MYT1: variants seen among roughly 807,000 people sequenced by gnomAD.
MYT1 encodes the protein myelin transcription factor I.
A neutral mutation model predicts 123.0 loss-of-function variants in MYT1; 23 were observed. The observed-to-expected ratio is 0.19, with a 90% CI of 0.13 to 0.26. The LOEUF (loss-of-function observed/expected upper bound fraction) is 0.26, where lower values mean the gene tolerates loss of function less well. Among genes scored for constraint, MYT1 ranks in the 10% least tolerant of loss-of-function variants. The pLI is 1.00. For missense variants in MYT1, 1,125 were observed against 1,472.5 expected, an observed-to-expected ratio of 0.76 and a Z score of 3.86; for synonymous variants, 518 against 575.3, an observed-to-expected ratio of 0.90 and a Z score of 1.43.
chr20:64,209,639 G>A (rs1003175803), intron 7 of MYT1, among the ~76,000 whole-genome samples: 4 of 152,148 alleles, frequency 2.6e-5, no homozygotes, highest in Non-Finnish European at 5.9e-5. Context: ...CTGGAGCCAC[G>A]AACCAAAAAT....
intron 16 of MYT1, among the ~76,000 whole-genome samples, chr20:64,224,432 G>A (rs528591177): frequency 2.6e-5 from 4 of 152,314 alleles, no homozygotes; most frequent in Non-Finnish European, 4.4e-5. Context: ...CCCACCAGCA[G>A]CCTTGTCTCT....
In MYT1 at chr20:64,199,907, C is replaced by G. The variant is rs758902158; in HGVS notation, c.71C>G (p.Thr24Arg). 6.2e-7 allele frequency: 1 copy of G among 1,614,202 alleles called. No individual in the cohort carries two copies. The highest frequency in any genetic ancestry group is 1.7e-5 in the Admixed American group (1 of 60,034). The change falls in exon 4 of 23, where the codon ACA becomes AGA. Residue 24 changes from threonine (T) to arginine (R), a missense_variant. Physicochemically the swap from Thr to Arg is moderately conservative, Grantham distance 71 (BLOSUM62 -1). Around this residue, in one of 4 missense-constraint regions of MYT1, gnomAD observed 406 missense variants for 432.2 expected, o/e 0.94. Transcript: ENST00000328439. Reference sequence around the variant, plus strand: ...TTTTTCCCAGGACCCCCAGAGACCACAGCTGCAGACCTCAGGTAAGGAAGT... The same window carrying G: ...TTTTTCCCAGGACCCCCAGAGACCAGAGCTGCAGACCTCAGGTAAGGAAGT... ...SKALRGPPET[T>R]AADLSCPTPG...
intron 7 of MYT1, among the ~76,000 whole-genome samples, chr20:64,209,424 T>C (rs1196513479): frequency 2.0e-5 from 3 of 152,194 alleles, no homozygotes; most frequent in Non-Finnish European, 2.9e-5. Context: ...ACCTGGGCAC[T>C]TGGCCTCTAT....
chr20:64,227,526 G>C, intron 17 of MYT1, 49 bp downstream of exon 17: 1 of 1,537,154 alleles, frequency 6.5e-7, no homozygotes, highest in Non-Finnish European at 9.0e-7. Context: ...TGGGCAGGGA[G>C]TCTCTTCCTT....
intron 1 of MYT1, among the ~76,000 whole-genome samples, chr20:64,183,035 C>T (rs539758734): frequency 5.3e-5 from 8 of 152,330 alleles, no homozygotes; most frequent in East Asian, 1.9e-4. Flanking sequence ...CGTTCACAGT[C>T]GTTCTCCATT....
intron 8 of MYT1, 97 bp from the exon 9 acceptor site, chr20:64,211,951 G>T (rs76419146): frequency 4.0e-6 from 4 of 1,004,332 alleles, no homozygotes; most frequent in Non-Finnish European, 6.2e-6. Flanking sequence ...CTTTGGACAA[G>T]GCTCCTGCAC....
At chr20:64,222,108 G>A in intron 14 of MYT1, 61 bp downstream of exon 14, 2 of 1,590,010 alleles carry the variant, frequency 1.3e-6, no homozygotes, top group East Asian at 2.2e-5. Flanking sequence ...GGGAGGAACA[G>A]GCCCTGGTCC....
At chr20:64,215,510 A>T (rs1373985042) in intron 10 of MYT1, among the ~76,000 whole-genome samples, 1 of 152,196 alleles carries the variant, frequency 6.6e-6, no homozygotes, top group Non-Finnish European at 1.5e-5. Flanking sequence ...CATTGTGGAC[A>T]ATAAGTGTAC....
At chr20:64,198,808 C>A in intron 2 of MYT1, 54 bp from the exon 3 acceptor site, 1 of 1,594,368 alleles carries the variant, frequency 6.3e-7, no homozygotes, top group Middle Eastern at 1.7e-4. Flanking sequence ...TGGCTCTGTA[C>A]TCCAGAGGCA....
At chr20:64,197,432 C>T (rs1601708690) in intron 2 of MYT1, among the ~76,000 whole-genome samples, 1 of 152,246 alleles carries the variant, frequency 6.6e-6, no homozygotes, top group Admixed American at 6.5e-5. Flanking sequence ...TGCCTCTCTT[C>T]CTTTCTTCTG....
In MYT1 at chr20:64,196,679, A is replaced by G. The variant is rs1465929871; in HGVS notation, c.1-2183A>G. On this transcript the variant is annotated intron_variant, in intron 2 of 22. Coordinates refer to ENST00000328439, the MANE Select transcript of MYT1 (RefSeq NM_004535.3). The surrounding 1 kb of genome is among the most constrained non-coding windows in gnomAD (Gnocchi z 4.3). ...ACCAGTCAATGCAGATAAATTGCAA[A>G]TGGTAAAAAGGTGCTCAGCAGAAGG... Among the ~76,000 whole-genome samples the G allele has an allele frequency of 1.3e-5, 2 of 152,176 alleles. No homozygotes were observed. The highest frequency in any genetic ancestry group is 3.8e-4 in the East Asian group (2 of 5,196).
At position 64,202,420 on chromosome 20, in the gene MYT1, C is replaced by G. The variant is rs538535476; in HGVS notation, c.86+2498C>G. On this transcript the variant is annotated intron_variant, in intron 4 of 22. Transcript: ENST00000328439. The surrounding 1 kb of genome is among the most constrained non-coding windows in gnomAD (Gnocchi z 5.0). Reference sequence around the variant, plus strand: ...AGACTGGCTCTGCCAGAGGCGAAGACTAGGGAAGGTTAGGGTTGGGGTTAG... The same window carrying G: ...AGACTGGCTCTGCCAGAGGCGAAGAGTAGGGAAGGTTAGGGTTGGGGTTAG... 2.6e-5 allele frequency among the ~76,000 whole-genome samples: 4 copies of G among 152,258 alleles called. No homozygotes were observed. The South Asian group carries it at 8.3e-4, about 32-fold the overall frequency.
At position 64,212,327 on chromosome 20, in the gene MYT1, G is replaced by A. The variant is rs1040204934; in HGVS notation, c.1517+189G>A. Among the ~76,000 whole-genome samples, 1 of 152,126 alleles carries A rather than the reference G, an allele frequency of 6.6e-6. No individual in the cohort carries two copies. The highest frequency in any genetic ancestry group is 1.5e-5 in the Non-Finnish European group (1 of 68,006). On this transcript the variant is annotated intron_variant, in intron 9 of 22. Transcript: ENST00000328439. The surrounding 1 kb of genome is among the most constrained non-coding windows in gnomAD (Gnocchi z 6.8). ...GTGTCCCTGCCTGGGCCGTGAGCCC[G>A]TGACCTGGGACGGGGCTCTGGCCTG...
intron 13 of MYT1, among the ~76,000 whole-genome samples, chr20:64,221,395 G>T (rs994300789): frequency 6.6e-6 from 1 of 152,222 alleles, no homozygotes; most frequent in South Asian, 2.1e-4. Flanking sequence ...TGTGGTCAAG[G>T]CATCGCACTG....
chr20:64,235,691 T>C (rs1478931156), intron 19 of MYT1, among the ~76,000 whole-genome samples: 8 of 128,150 alleles, frequency 6.2e-5, no homozygotes, highest in African/African-American at 1.3e-4. Context: ...GGGCTGGTGG[T>C]GGTGGGTGAC....
rs1425823211 is a variant in MYT1 at position 64,186,201 on chromosome 20, G to A, written c.-98-3862G>A. On this transcript the variant is annotated intron_variant, in intron 1 of 22. Coordinates refer to ENST00000328439, the MANE Select transcript of MYT1 (RefSeq NM_004535.3). This position sits in a 1 kb window ranked among gnomAD's most constrained non-coding sequence, Gnocchi z 4.3. The stretch of plus-strand genomic sequence containing the variant: ...GTGTGGGGCCACCATGGGGACAGAT[G>A]TGGGGGTTACCTTGAGCAGGCAGGA... Among the ~76,000 whole-genome samples, 1 of 152,158 alleles carries A rather than the reference G, an allele frequency of 6.6e-6. No individual in the cohort carries two copies. The highest frequency in any genetic ancestry group is 2.4e-5 in the African/African-American group (1 of 41,424).
At chr20:64,225,427 A>T (rs1291534074) in intron 16 of MYT1, among the ~76,000 whole-genome samples, 1 of 152,050 alleles carries the variant, frequency 6.6e-6, no homozygotes, top group Non-Finnish European at 1.5e-5. Context: ...CTTCCCTCCC[A>T]TGTGTCTGAT....
chr20:64,210,916 G>C (rs1983646436), intron 7 of MYT1, among the ~76,000 whole-genome samples: 1 of 152,250 alleles, frequency 6.6e-6, no homozygotes, highest in South Asian at 2.1e-4. Flanking sequence ...TGTCAGAGGA[G>C]AGAGGAAAGA....
intron 19 of MYT1, among the ~76,000 whole-genome samples, chr20:64,235,307 G>A (rs1202808425): frequency 8.5e-6 from 1 of 117,206 alleles, no homozygotes; most frequent in East Asian, 2.4e-4. Flanking sequence ...ACCCCGAGCT[G>A]GCTGTGGTGG....
Sources: gnomAD v4.1 joint callset for allele counts (sites outside exome capture counted in the v4.1 genomes callset) on GRCh38, gnomAD v4.1.1 for gene constraint, gnomAD v4.1.1 regional missense constraint, Gnocchi (gnomAD v3.1) non-coding constraint, MANE v1.5 for transcripts, NCBI Gene and HGNC (gene_info 2026-07-23, HGNC 2026-07-21) for gene names.